The following IHO1 variants were observed in gnomAD, a reference collection of about 807,000 sequenced individuals.
The protein encoded by IHO1 is interactor of HORMAD1 protein 1.
Under a neutral mutation model 31.0 loss-of-function variants are expected in IHO1, and 13 were observed. That is an observed-to-expected ratio of 0.42 (90% CI 0.27 to 0.67). The LOEUF (loss-of-function observed/expected upper bound fraction) is 0.67. Among genes scored for constraint, IHO1 ranks in the 30% least tolerant of loss-of-function variants. The pLI, the probability that IHO1 is intolerant of heterozygous loss-of-function variation, is 0.24. For synonymous variants in IHO1, 221 were observed against 248.4 expected (o/e 0.89, Z 1.04); for missense variants, 599 against 687.5 (o/e 0.87, Z 1.44).
At chr3:49,218,062 T>C (rs185504696) in intron 2 of IHO1, among the ~76,000 whole-genome samples, 2 of 152,336 alleles carry the variant, frequency 1.3e-5, no homozygotes, top group East Asian at 1.9e-4. Flanking sequence ...ACTCTCACAC[T>C]GGCTTTCTTA....
the IHO1 span, chr3:49,191,673 G>T: frequency 6.6e-7 from 1 of 1,515,106 alleles, no homozygotes; most frequent in South Asian, 1.1e-5. Context: ...TCACTTCACC[G>T]GCATGACTCA....
In IHO1 at chr3:49,241,379, A is replaced by G; in HGVS notation, c.385A>G (p.Lys129Glu). ...GGAGAAAAAGAAAAGGGCAAAAGAC[A>G]AATGTGACAGGTATGTAAACCTTTC... Reference protein sequence around the residue: ...FEEKKKRAKDKCDSETLYNFV... With the variant: ...FEEKKKRAKDECDSETLYNFV... Residue 129 changes from lysine (K) to glutamate (E), a missense_variant, in exon 4 of 8, where the codon AAA (lysine) becomes GAA (glutamate). By Grantham distance (56) the Lys-to-Glu change is moderately conservative. Transcript: ENST00000452691. 6.2e-7 allele frequency: 1 copy of G among 1,609,792 alleles called. No individual in the cohort carries two copies. The highest frequency in any genetic ancestry group is 8.5e-7 in the Non-Finnish European group (1 of 1,178,450).
At chr3:49,194,387 T>C (rs1251656042), upstream of IHO1, among the ~76,000 whole-genome samples, 4 of 141,920 alleles carry the variant, frequency 2.8e-5, no homozygotes, top group African/African-American at 5.1e-5. Flanking sequence ...CACTGCAAGC[T>C]CCGCCTCCCG....
At chr3:49,220,984 C>T (rs1199277106) in intron 2 of IHO1, among the ~76,000 whole-genome samples, 6 of 152,250 alleles carry the variant, frequency 3.9e-5, no homozygotes, top group African/African-American at 1.2e-4. Flanking sequence ...CAGTGGCCAG[C>T]ATTTATTCCA....
At chr3:49,200,522 A>AGGAAGGAAGGAAGG (rs2046055327) in intron 1 of IHO1, 1 of 962,890 alleles carries the variant, frequency 1.0e-6, no homozygotes, top group East Asian at 1.2e-4. Flanking sequence ...AAAGAAAAGA[A>AGGAAGGAAGGAAGG]AAAAGATTGT....
At chr3:49,241,488 C>A in intron 4 of IHO1, 99 bp downstream of exon 4, 5 of 1,157,260 alleles carry the variant, frequency 4.3e-6, no homozygotes, top group African/African-American at 1.6e-5. Flanking sequence ...AGCATAATAG[C>A]ATGTATTAGA....
At chr3:49,193,120 C>A in the IHO1 span, among the ~76,000 whole-genome samples, 2 of 152,112 alleles carry the variant, frequency 1.3e-5, no homozygotes, top group African/African-American at 2.4e-5. Context: ...TCTGTAATCC[C>A]AGCACTTTGG....
At chr3:49,246,179 C>CAAAAA (rs71278650) in intron 6 of IHO1, among the ~76,000 whole-genome samples, 1 of 47,770 alleles carries the variant, frequency 2.1e-5, no homozygotes, top group African/African-American at 7.2e-5. Context: ...GAGACTCCGT[C>CAAAAA]AAAAAAAAAA....
chr3:49,241,355 G>A lies in IHO1; in HGVS notation c.361G>A (p.Glu121Lys), dbSNP rs1351614550. 3.7e-6 allele frequency: 6 copies of A among 1,611,678 alleles called. No homozygotes were observed. Among genetic ancestry groups the A allele is most frequent in the Admixed American group, 1.7e-5 (1 of 59,434 alleles). ...KSKGLLEQFE[E>K]KKKRAKDKCD... ...AAAAGGCCTCTTGGAACAGTTTGAG[G>A]AGAAAAAGAAAAGGGCAAAAGACAA... Residue 121 changes from glutamate to lysine, a missense_variant, in exon 4 of 8, where the codon GAG becomes AAG. Transcript: ENST00000452691.
chr3:49,244,373 G>T, intron 4 of IHO1, 31 bp from the exon 5 acceptor site: 1 of 1,313,856 alleles, frequency 7.6e-7, no homozygotes, highest in Non-Finnish European at 1.1e-6. Flanking sequence ...ATTTCATAAA[G>T]ATTTGTTTTC....
intron 2 of IHO1, among the ~76,000 whole-genome samples, chr3:49,218,332 G>A (rs2046314169): frequency 6.7e-6 from 1 of 148,260 alleles, no homozygotes; most frequent in Non-Finnish European, 1.5e-5. Flanking sequence ...GCCAAGCCAA[G>A]CCCCCAAGAG....
chr3:49,246,359 G>A lies in IHO1; in HGVS notation c.532+1626G>A, dbSNP rs140973609. 1.9e-3 allele frequency among the ~76,000 whole-genome samples: 279 copies of A among 150,528 alleles called. 6 individuals are homozygous for A. The highest frequency in any genetic ancestry group is 7.0e-3 in the Middle Eastern group (2 of 286). On this transcript the variant is annotated intron_variant, in intron 6 of 7. Transcript: ENST00000452691. ...TGTTTTTGTTTTACATTTAAAACTG[G>A]GTGGGCCGGGCACAGTGGCTCATGC...
At chr3:49,201,713 G>A (rs1343086916) in intron 1 of IHO1, among the ~76,000 whole-genome samples, 3 of 152,020 alleles carry the variant, frequency 2.0e-5, no homozygotes, top group African/African-American at 4.8e-5. Flanking sequence ...GCTCAGGAGC[G>A]TGAGACCTGC....
At chr3:49,229,075 C>T (rs1190895949) in intron 2 of IHO1, among the ~76,000 whole-genome samples, 3 of 152,164 alleles carry the variant, frequency 2.0e-5, no homozygotes, top group African/African-American at 7.2e-5. Context: ...GGTGCGTTTA[C>T]AATCCTTTAG....
At position 49,199,539 on chromosome 3, in the gene IHO1, G is replaced by GACTGCCACCACACC. The variant is rs2046026320; in HGVS notation, c.-50_-49insACTGCCACCACACC. On this transcript the variant is annotated 5_prime_UTR_variant, in exon 1 of 8. Coordinates refer to ENST00000452691, the MANE Select transcript of IHO1 (RefSeq NM_001135197.2). ...GCGGCCACCTCGAAGCCACGTCAGG[G>GACTGCCACCACACC]CAGCCCCAGGTCGGGCGCGTGCCAG... 1.4e-5 allele frequency: 2 copies of GACTGCCACCACACC among 147,812 alleles called. No individual in the cohort carries two copies. Among genetic ancestry groups the GACTGCCACCACACC allele is most frequent in the South Asian group, 4.5e-4 (2 of 4,424 alleles). 9.2% of individuals were successfully genotyped at this position (147,812 alleles called of 1,614,324 possible).
At chr3:49,239,644 G>A (rs550212103) in intron 3 of IHO1, among the ~76,000 whole-genome samples, 9 of 150,950 alleles carry the variant, frequency 6.0e-5, no homozygotes, top group Non-Finnish European at 2.9e-5. Flanking sequence ...GGCTGGTCTT[G>A]AACTCCTGGG....
chr3:49,244,786 A>G (rs770266805), intron 6 of IHO1, 53 bp downstream of exon 6: 2 of 1,494,044 alleles, frequency 1.3e-6, no homozygotes, highest in Non-Finnish European at 9.3e-7. Flanking sequence ...AATGATGAAC[A>G]TGAACTTTCT....
chr3:49,229,394 A>C (rs1201232060), intron 2 of IHO1, among the ~76,000 whole-genome samples: 2 of 152,236 alleles, frequency 1.3e-5, no homozygotes, highest in African/African-American at 4.8e-5. Context: ...AAGGAGTGCA[A>C]GTACAAACAG....
At chr3:49,231,929 T>C (rs2046487191) in intron 2 of IHO1, among the ~76,000 whole-genome samples, 1 of 152,230 alleles carries the variant, frequency 6.6e-6, no homozygotes, top group Non-Finnish European at 1.5e-5. Context: ...TCCTCAAGGA[T>C]TGGAACCTAA....
Sources: gnomAD v4.1 joint callset for allele counts (sites outside exome capture counted in the v4.1 genomes callset) on GRCh38, gnomAD v4.1.1 for gene constraint, MANE v1.5 for transcripts, NCBI Gene and HGNC (gene_info 2026-07-23, HGNC 2026-07-21) for gene names.